The following AMY2B variants were observed in gnomAD, a reference collection of about 807,000 sequenced individuals.
The protein encoded by AMY2B is alpha-amylase 2B.
AMY2B carries 63 observed loss-of-function variants against 59.3 expected under a neutral mutation model. The observed-to-expected ratio is 1.06, with a 90% CI of 0.87 to 1.31. The LOEUF is 1.31. Among genes scored for constraint, AMY2B ranks in the 50% most tolerant of loss-of-function variants. AMY2B has a pLI of 0.00. For synonymous variants in AMY2B, 180 were observed against 198.1 expected (o/e 0.91, Z 0.77); for missense variants, 635 against 626.7 (o/e 1.01, Z -0.14).
chr1:103,560,259 CATGTT>C (rs1331382551), intron 1 of AMY2B, among the ~76,000 whole-genome samples: 1 of 152,070 alleles, frequency 6.6e-6, no homozygotes, highest in African/African-American at 2.4e-5. Context: ...TAATTTTAAA[CATGTT>C]ATAAGGTGAG....
chr1:103,575,589 C>A (rs997016688), intron 7 of AMY2B, 49 bp downstream of exon 7: 1 of 1,603,916 alleles, frequency 6.2e-7, no homozygotes, highest in African/African-American at 1.3e-5. Context: ...AAACAGAAGG[C>A]AATCTTGTTC....
rs1652209031 is a variant in AMY2B at position 103,573,266 on chromosome 1, T to A, written c.513+6T>A. ...ACTACAATGATGCTACTCAGGTAAA[T>A]TTTTTTATGAGAGTCATCTGAATAA... On this transcript the variant is annotated splice_donor_region_variant and intron_variant, in intron 3 of 9. Coordinates refer to ENST00000684275, the MANE Select transcript of AMY2B (RefSeq NM_001387437.1). 11 of 1,613,440 alleles carry A rather than the reference T, an allele frequency of 6.8e-6. No homozygotes were observed. The highest frequency in any genetic ancestry group is 9.3e-6 in the Non-Finnish European group (11 of 1,179,522).
At chr1:103,565,931 A>G (rs947969445) in intron 2 of AMY2B, among the ~76,000 whole-genome samples, 3 of 152,044 alleles carry the variant, frequency 2.0e-5, no homozygotes, top group African/African-American at 7.2e-5. Flanking sequence ...AGTTTTTATT[A>G]TTACTTTCCT....
chr1:103,579,277 G>A (rs1299145748), intron 9 of AMY2B, 34 bp from the exon 10 acceptor site: 3 of 1,611,406 alleles, frequency 1.9e-6, no homozygotes, highest in Non-Finnish European at 2.5e-6. Context: ...GATTTTCAGT[G>A]TATTGAAGTT....
rs571894842 is a variant in AMY2B, at chr1:103,564,354, CTT to C, written c.-206-1079_-206-1078del. 1.4e-4 allele frequency among the ~76,000 whole-genome samples: 22 copies of C among 152,212 alleles called. No individual in the cohort carries two copies. In the East Asian group the frequency reaches 4.3e-3, roughly 29 times the overall value. ...ATGGTGCCCCTCTTCTCTGTCAACT[CTT>C]TACACCATCAGCCCTGTATCACTAT... On this transcript the variant is annotated intron_variant, in intron 1 of 11. Coordinates refer to the AMY2B transcript ENST00000361355.
chr1:103,567,215 G>T (rs764449059), upstream of AMY2B, among the ~76,000 whole-genome samples: 2 of 152,120 alleles, frequency 1.3e-5, no homozygotes. Context: ...CACTAAGTTG[G>T]ATGTGGAAGG....
At chr1:103,569,954 G>T, upstream of AMY2B, 1 of 466,722 alleles carries the variant, frequency 2.1e-6, no homozygotes, top group East Asian at 5.4e-5. Context: ...CATGTACGTG[G>T]CCATCCAGGC....
Position 103,579,308 on chromosome 1 carries a change from CA to C in AMY2B, c.1347-2del. ...AAGTTAAATCTGAAATTTTATTTTA[CA>C]GGACATTTTCTTTAACTTTGCAAAC... On this transcript the variant is annotated splice_acceptor_variant, in intron 9 of 9. Transcript: ENST00000684275. LOFTEE classifies it high-confidence loss of function. 6.2e-7 allele frequency: 1 copy of C among 1,611,618 alleles called. No homozygotes were observed. Among genetic ancestry groups the C allele is most frequent in the Non-Finnish European group, 8.5e-7 (1 of 1,179,652 alleles).
At chr1:103,576,214 A>T (rs1652347743) in intron 7 of AMY2B, among the ~76,000 whole-genome samples, 1 of 152,166 alleles carries the variant, frequency 6.6e-6, no homozygotes, top group East Asian at 1.9e-4. Context: ...GGGTTCAGAA[A>T]CAGCATCAGA....
intron 2 of AMY2B, 80 bp from the exon 3 acceptor site, chr1:103,572,983 A>G: frequency 1.2e-6 from 2 of 1,607,584 alleles, no homozygotes; most frequent in Non-Finnish European, 1.7e-6. Context: ...TTTTATTAAC[A>G]TACTATAAAC....
chr1:103,572,301 G>T, intron 2 of AMY2B, 45 bp downstream of exon 2: 1 of 1,596,902 alleles, frequency 6.3e-7, no homozygotes, highest in Non-Finnish European at 8.5e-7. Context: ...ATAGGAAAAT[G>T]ATTTCTCTCT....
rs778901304 is a variant in AMY2B at position 103,577,768 on chromosome 1, C to T, written c.1269C>T (p.Asn423=). 35 of 1,609,048 alleles carry T rather than the reference C, an allele frequency of 2.2e-5. 1 individual carries two copies. The Admixed American group carries it at 2.8e-4, about 13-fold the overall frequency. The change falls in exon 9 of 10, where the codon AAC becomes AAT. Residue 423 remains asparagine, a synonymous_variant. Coordinates refer to ENST00000684275, the MANE Select transcript of AMY2B (RefSeq NM_001387437.1). ...TAGTGGATGGCCAGCCTTTTACAAA[C>T]TGGTATGATAATGGGAGCAACCAAG... ...RNVVDGQPFT[N]WYDNGSNQVA...
chr1:103,570,722 A>G (rs1450434663), upstream of AMY2B: 13 of 532,660 alleles, frequency 2.4e-5, no homozygotes, highest in Admixed American at 1.7e-4. Context: ...GTTAATTCAG[A>G]AGTAAAAATT....
intron 1 of AMY2B, among the ~76,000 whole-genome samples, chr1:103,560,814 T>C (rs1334511542): frequency 1.3e-5 from 2 of 152,154 alleles, no homozygotes; most frequent in Non-Finnish European, 2.9e-5. Flanking sequence ...ACTCAGGTTT[T>C]AAAATATTTT....
At chr1:103,568,336 A>G (rs943958880), upstream of AMY2B, 1 of 152,166 alleles carries the variant, frequency 6.6e-6, no homozygotes, top group African/African-American at 2.4e-5. Flanking sequence ...AATTACACAA[A>G]TTTATTTATT....
intron 5 of AMY2B, 133 bp downstream of exon 5, chr1:103,574,526 A>G: frequency 6.5e-7 from 1 of 1,536,530 alleles, no homozygotes; most frequent in Non-Finnish European, 8.8e-7. Flanking sequence ...TAAGTATTCT[A>G]GTGCCCTAAA....
intron 5 of AMY2B, among the ~76,000 whole-genome samples, chr1:103,574,862 C>T (rs982282937): frequency 1.3e-5 from 2 of 151,444 alleles, no homozygotes; most frequent in Non-Finnish European, 2.9e-5. Flanking sequence ...ATTGATCCTT[C>T]TGGAGTGCCT....
intron 1 of AMY2B, among the ~76,000 whole-genome samples, chr1:103,556,981 C>A (rs994428552): frequency 5.3e-5 from 8 of 151,996 alleles, no homozygotes; most frequent in Non-Finnish European, 4.4e-5. Flanking sequence ...TGTGAGCTAA[C>A]CCCCTGTGTC....
intron 1 of AMY2B, among the ~76,000 whole-genome samples, chr1:103,556,206 G>C (rs1234573232): frequency 6.6e-6 from 1 of 152,162 alleles, no homozygotes; most frequent in Non-Finnish European, 1.5e-5. Flanking sequence ...GTTTATTTAA[G>C]TGGTATCAGT....
Sources: gnomAD v4.1 joint callset for allele counts (sites outside exome capture counted in the v4.1 genomes callset) on GRCh38, gnomAD v4.1.1 for gene constraint, MANE v1.5 for transcripts, NCBI Gene and HGNC (gene_info 2026-07-23, HGNC 2026-07-21) for gene names.